The following ALMS1 variants were observed in gnomAD, a reference collection of about 807,000 sequenced individuals.
ALMS1 encodes the protein centrosome-associated protein ALMS1.
A neutral mutation model predicts 352.2 loss-of-function variants in ALMS1; 271 were observed. That is an observed-to-expected ratio of 0.77 (90% CI 0.70 to 0.85). The LOEUF is 0.85. Ranked by LOEUF, ALMS1 falls within the 40% of genes least tolerant of loss-of-function variation. The probability of loss-of-function intolerance (pLI) is 0.00; values close to 1 mark genes in which losing one functional copy is unlikely to be tolerated. For synonymous variants in ALMS1, 1,865 were observed against 1,761.2 expected, an observed-to-expected ratio of 1.06 and a Z score of -1.48; for missense variants, 5,445 against 4,870.7, an observed-to-expected ratio of 1.12 and a Z score of -3.51.
intron 9 of ALMS1, among the ~76,000 whole-genome samples, chr2:73,478,847 C>A (rs911120001): frequency 6.6e-6 from 1 of 152,088 alleles, no homozygotes; most frequent in African/African-American, 2.4e-5. Context: ...TTGCCCCTGA[C>A]CCCACCGACA....
In ALMS1 at chr2:73,490,397, A is replaced by G. The variant is rs1259107925; in HGVS notation, c.8438A>G (p.Glu2813Gly). Residue 2813 changes from glutamate to glycine, a missense_variant, in exon 10 of 23, where the codon GAA becomes GGA. Glu to Gly is a moderately conservative substitution (Grantham distance 98). Coordinates refer to ENST00000613296, the MANE Select transcript of ALMS1 (RefSeq NM_001378454.1). ...ERSFQEEKPL[E>G]RSDFTGSHSE... is the part of the protein sequence containing the mutation. Reference sequence around the variant, plus strand: ...TCTTTTCAAGAAGAAAAACCCTTAGAAAGATCAGATTTTACAGGCAGTCAT... The same window carrying G: ...TCTTTTCAAGAAGAAAAACCCTTAGGAAGATCAGATTTTACAGGCAGTCAT... 2 of 1,614,126 alleles carry G rather than the reference A, an allele frequency of 1.2e-6. No homozygotes were observed. The highest frequency in any genetic ancestry group is 1.7e-5 in the Admixed American group (1 of 60,026).
At position 73,419,307 on chromosome 2, in the gene ALMS1, C is replaced by T. The variant is rs2103701987; in HGVS notation, c.635C>T (p.Ser212Phe). Reference protein sequence around the residue: ...VKEPNRDLFCSPLLVIQDSFA... With the variant: ...VKEPNRDLFCFPLLVIQDSFA... The stretch of plus-strand genomic sequence containing the variant: ...GAACCCAACAGAGATCTCTTCTGTT[C>T]TCCACTGCTAGGTAATGCCTGTTTA... Residue 212 changes from serine (S) to phenylalanine (F), a missense_variant, in exon 3 of 23, where the codon TCT becomes TTT. By Grantham distance (155) the Ser-to-Phe change is radical (BLOSUM62 -2). Transcript: ENST00000613296. 4.3e-6 allele frequency: 7 copies of T among 1,613,530 alleles called. No individual in the cohort carries two copies. Among genetic ancestry groups the T allele is most frequent in the Non-Finnish European group, 5.9e-6 (7 of 1,179,482 alleles).
chr2:73,569,358 A>G (rs1416196514), intron 15 of ALMS1, among the ~76,000 whole-genome samples: 1 of 151,956 alleles, frequency 6.6e-6, no homozygotes, highest in East Asian at 1.9e-4. Flanking sequence ...ATTTTACTTC[A>G]TTCCCAGGCT....
In ALMS1 at chr2:73,452,498, T is replaced by G. The variant is rs777227174; in HGVS notation, c.5971T>G (p.Ser1991Ala). 6.8e-6 allele frequency: 11 copies of G among 1,613,994 alleles called. No individual in the cohort carries two copies. The Middle Eastern group carries it at 4.9e-4, about 73-fold the overall frequency. ...PIGLSSSYSH[S>A]HKEKLKISTV... ...AGGACTGTCTAGTTCCTACTCACATTCACATAAAGAGAAACTCAAGATTTC... is the reference window on the plus strand; with the variant it reads ...AGGACTGTCTAGTTCCTACTCACATGCACATAAAGAGAAACTCAAGATTTC... The change falls in exon 8 of 23, where the codon TCA (serine) becomes GCA (alanine). Residue 1991 changes from serine to alanine, a missense_variant. Physicochemically the swap from Ser to Ala is moderately conservative, Grantham distance 99. Transcript: ENST00000613296.
intron 15 of ALMS1, among the ~76,000 whole-genome samples, chr2:73,568,881 T>C (rs1674857651): frequency 6.6e-6 from 1 of 152,048 alleles, no homozygotes; most frequent in Non-Finnish European, 1.5e-5. Context: ...CTTCAACTTA[T>C]TTGACCTTTA....
Position 73,409,800 on chromosome 2 carries a change from A to G in ALMS1, c.450+1053A>G, listed in dbSNP as rs57552430. On this transcript the variant is annotated intron_variant, in intron 2 of 22. Transcript: ENST00000613296. ...TTATATAGAATTGGCTTATGTGATC[A>G]TGAAGACTGAGAAGTCCCAAGATCT... Among the ~76,000 whole-genome samples the G allele has an allele frequency of 9.2e-5, 14 of 152,276 alleles. No homozygotes were observed. The East Asian group carries it at 1.9e-3, about 21-fold the overall frequency.
chr2:73,420,498 A>G (rs932601509), intron 3 of ALMS1, among the ~76,000 whole-genome samples: 1 of 152,184 alleles, frequency 6.6e-6, no homozygotes, highest in Non-Finnish European at 1.5e-5. Context: ...GCTAACTCCT[A>G]GAGTTTAAAA....
At chr2:73,403,699 T>G (rs1670916120) in intron 1 of ALMS1, among the ~76,000 whole-genome samples, 1 of 152,220 alleles carries the variant, frequency 6.6e-6, no homozygotes, top group Non-Finnish European at 1.5e-5. Flanking sequence ...CCTTAATTTC[T>G]TTCATTAGTA....
In ALMS1 at chr2:73,385,916, G is replaced by GGAGGAGGAGGAGGAGGAGGAA. The variant is rs1157119441; in HGVS notation, c.68_69insAGAGGAGGAGGAGGAGGAGGA (p.Glu22_Glu28dup). The GGAGGAGGAGGAGGAGGAGGAA allele has an allele frequency of 2.3e-6, 2 of 869,394 alleles. No individual in the cohort carries two copies. The highest frequency in any genetic ancestry group is 2.7e-5 in the East Asian group (1 of 37,602). The allele number at this position is 869,394 out of a possible 1,614,324, so 53.9% of individuals were successfully genotyped here. On this transcript the variant is annotated inframe_insertion, in exon 1 of 23. Coordinates refer to ENST00000613296, the MANE Select transcript of ALMS1 (RefSeq NM_001378454.1). ...GGCCGGGCGAGCTGGAGGAGGAGGAGGAGGAGGAGGAGGAGGAGGAGGAGG... is the reference window on the plus strand; with the variant it reads ...GGCCGGGCGAGCTGGAGGAGGAGGAGGAGGAGGAGGAGGAGGAGGAAGAGGAGGAGGAGGAGGAGGAGGAGG...
At chr2:73,469,019 C>A (rs1672414138) in intron 9 of ALMS1, among the ~76,000 whole-genome samples, 1 of 103,952 alleles carries the variant, frequency 9.6e-6, no homozygotes. Flanking sequence ...ATTTTGGCCC[C>A]TTCCATGCTA....
chr2:73,403,073 G>A (rs1670902951), intron 1 of ALMS1, among the ~76,000 whole-genome samples: 4 of 152,142 alleles, frequency 2.6e-5, no homozygotes, highest in African/African-American at 7.2e-5. Context: ...TTTGTAGCCT[G>A]AGCTTTTGTT....
intron 10 of ALMS1, among the ~76,000 whole-genome samples, chr2:73,516,886 G>A (rs558607552): frequency 6.6e-6 from 1 of 151,964 alleles, no homozygotes; most frequent in African/African-American, 2.4e-5. Context: ...TAGTTATTAA[G>A]CCCCCTGCCT....
intron 12 of ALMS1, among the ~76,000 whole-genome samples, chr2:73,543,674 GAAAC>G (rs762766531): frequency 9.2e-4 from 140 of 151,972 alleles, no homozygotes; most frequent in Non-Finnish European, 1.2e-3. Flanking sequence ...ATACAAGAAA[GAAAC>G]AAACAACCCC....
At chr2:73,604,589 T>C (rs894243948) in intron 21 of ALMS1, among the ~76,000 whole-genome samples, 2 of 152,184 alleles carry the variant, frequency 1.3e-5, no homozygotes, top group African/African-American at 4.8e-5. Flanking sequence ...TCATGAACTT[T>C]AAGCATTCCT....
intron 21 of ALMS1, among the ~76,000 whole-genome samples, chr2:73,607,163 T>C (rs960409250): frequency 5.3e-5 from 8 of 152,244 alleles, no homozygotes; most frequent in African/African-American, 1.7e-4. Context: ...CACACTTTTT[T>C]CCCTCAAATT....
intron 16 of ALMS1, chr2:73,573,628 CT>C (rs1364814988): frequency 2.9e-6 from 2 of 679,820 alleles, no homozygotes; most frequent in Non-Finnish European, 5.2e-6. Flanking sequence ...TACGAATTAC[CT>C]TTTGAATGAA....
At chr2:73,524,387 A>G (rs991958691) in intron 11 of ALMS1, among the ~76,000 whole-genome samples, 1 of 152,222 alleles carries the variant, frequency 6.6e-6, no homozygotes, top group African/African-American at 2.4e-5. Context: ...TGGGATATCC[A>G]TCACCTCAAG....
intron 16 of ALMS1, among the ~76,000 whole-genome samples, chr2:73,595,852 T>C (rs530302500): frequency 2.0e-5 from 3 of 152,318 alleles, no homozygotes; most frequent in African/African-American, 7.2e-5. Context: ...TGGTATCTTA[T>C]TGTGAGTTTA....
intron 15 of ALMS1, among the ~76,000 whole-genome samples, chr2:73,566,244 A>G (rs1057466410): frequency 6.6e-6 from 1 of 152,192 alleles, no homozygotes; most frequent in Non-Finnish European, 1.5e-5. Context: ...CTTAAAGAAA[A>G]CACTTTACAG....
Sources: gnomAD v4.1 joint callset for allele counts (sites outside exome capture counted in the v4.1 genomes callset) on GRCh38, gnomAD v4.1.1 for gene constraint, MANE v1.5 for transcripts, NCBI Gene and HGNC (gene_info 2026-07-23, HGNC 2026-07-21) for gene names.